Variants in VCAM1 observed in about 807,000 individuals in gnomAD.
VCAM1 encodes vascular cell adhesion molecule 1.
A neutral mutation model predicts 63.8 loss-of-function variants in VCAM1; 41 were observed. The observed-to-expected ratio is 0.64, with a 90% confidence interval of 0.50 to 0.83. VCAM1 has a LOEUF of 0.83. Among genes scored for constraint, VCAM1 ranks in the 40% least tolerant of loss-of-function variants. VCAM1 has a pLI of 0.00. For missense variants in VCAM1, 798 were observed against 875.5 expected (o/e 0.91, Z 1.12); for synonymous variants, 338 against 320.7 (o/e 1.05, Z -0.58).
chr1:100,723,255 T>C lies in VCAM1; in HGVS notation c.576T>C (p.Val192=). ...FTPVIEDIGK[V]LVCRAKLHID... is the part of the protein sequence containing the mutation. ...CTGTCATTGAGGATATTGGAAAAGT[T>C]CTTGTTTGCCGAGCTAAATTACACA... The change falls in exon 3 of 9, where the codon GTT becomes GTC. Residue 192 remains valine, a synonymous_variant. Transcript: ENST00000294728. 1 of 1,613,102 alleles carries C rather than the reference T, an allele frequency of 6.2e-7. No individual in the cohort carries two copies. Among genetic ancestry groups the C allele is most frequent in the South Asian group, 1.1e-5 (1 of 91,064 alleles).
intron 8 of VCAM1, chr1:100,737,225 A>G (rs945914434): frequency 1.3e-5 from 2 of 152,194 alleles, no homozygotes; most frequent in Admixed American, 6.5e-5. Flanking sequence ...TTTGGTGCCA[A>G]CTAGGCCAAG....
chr1:100,722,504 GA>G (rs1394067567), intron 2 of VCAM1, among the ~76,000 whole-genome samples: 1 of 152,028 alleles, frequency 6.6e-6, no homozygotes, highest in Non-Finnish European at 1.5e-5. Context: ...ACTATAATAA[GA>G]AAATGTGATG....
intron 4 of VCAM1, among the ~76,000 whole-genome samples, chr1:100,726,689 G>A (rs1344040583): frequency 6.6e-6 from 1 of 151,998 alleles, no homozygotes; most frequent in East Asian, 1.9e-4. Flanking sequence ...AAGAGCCCTT[G>A]TCCAAGAATC....
rs774366600 is a variant in VCAM1 at position 100,719,855 on chromosome 1, C to T, written c.-6C>T. ...CACTATTTTCTCATCACGACAGCAACTTAAAATGCCTGGGAAGATGGTCGT... is the reference window on the plus strand; with the variant it reads ...CACTATTTTCTCATCACGACAGCAATTTAAAATGCCTGGGAAGATGGTCGT... On this transcript the variant is annotated 5_prime_UTR_variant, in exon 1 of 9. Coordinates refer to ENST00000294728, the MANE Select transcript of VCAM1 (RefSeq NM_001078.4). The T allele has an allele frequency of 6.2e-7, 1 of 1,610,864 alleles. No individual in the cohort carries two copies. Among genetic ancestry groups the T allele is most frequent in the South Asian group, 1.1e-5 (1 of 90,806 alleles).
chr1:100,722,598 G>A (rs988749184), intron 2 of VCAM1, among the ~76,000 whole-genome samples: 3 of 151,996 alleles, frequency 2.0e-5, no homozygotes, highest in African/African-American at 4.8e-5. Flanking sequence ...TACTAGGTGT[G>A]TGACCTTAGA....
chr1:100,732,415 C>T lies in VCAM1; in HGVS notation c.1526-3C>T, dbSNP rs375748815. 57 of 1,544,274 alleles carry T rather than the reference C, an allele frequency of 3.7e-5. No homozygotes were observed. Among genetic ancestry groups the T allele is most frequent in the Non-Finnish European group, 4.7e-5 (54 of 1,148,532 alleles). ...AAGCTAACAAGCGTCTCTGCCTTTT[C>T]AGTTGCCCCCAGAGATACAACCGTC... is the stretch of plus-strand genomic sequence containing the variant. On this transcript the variant is annotated splice_region_variant and splice_polypyrimidine_tract_variant and intron_variant, in intron 6 of 8. Transcript: ENST00000294728.
At chr1:100,722,966 A>G in intron 2 of VCAM1, 54 bp from the exon 3 acceptor site, 1 of 1,525,404 alleles carries the variant, frequency 6.6e-7, no homozygotes, top group Non-Finnish European at 8.8e-7. Context: ...GTGGTAAGAG[A>G]CCTTATATCA....
intron 4 of VCAM1, among the ~76,000 whole-genome samples, chr1:100,725,444 A>G (rs894259772): frequency 4.6e-5 from 7 of 152,026 alleles, no homozygotes; most frequent in African/African-American, 1.7e-4. Context: ...GGCACTTTCC[A>G]TATGCCATCC....
chr1:100,726,180 C>T (rs1005788045), intron 4 of VCAM1, among the ~76,000 whole-genome samples: 14 of 152,030 alleles, frequency 9.2e-5, no homozygotes, highest in African/African-American at 2.9e-4. Flanking sequence ...GCTTGTTTCA[C>T]TTAGCATAGT....
At chr1:100,725,768 C>A (rs1329243513) in intron 4 of VCAM1, among the ~76,000 whole-genome samples, 1 of 151,750 alleles carries the variant, frequency 6.6e-6, no homozygotes, top group East Asian at 1.9e-4. Context: ...TTTATTATTT[C>A]TTTTTTAAAA....
chr1:100,736,400 T>G lies in VCAM1; in HGVS notation c.2059+1632T>G. On this transcript the variant is annotated intron_variant, in intron 8 of 8. Transcript: ENST00000294728. ...TTGGCTGGATTTTTTATTTGTTTCA[T>G]TTTGTCTTAGCTTGAACGTATTCCA... The G allele has an allele frequency of 1.3e-5, 2 of 152,204 alleles. 1 individual carries two copies. The highest frequency in any genetic ancestry group is 2.9e-5 in the Non-Finnish European group (2 of 68,020). The allele number at this position is 152,204 out of a possible 1,614,324, so 9.4% of individuals were successfully genotyped here.
At chr1:100,725,041 T>A in intron 4 of VCAM1, 151 bp downstream of exon 4, 2 of 1,066,556 alleles carry the variant, frequency 1.9e-6, no homozygotes, top group Non-Finnish European at 2.6e-6. Context: ...ATGTTTATCT[T>A]ACTAGTACTC....
At position 100,734,760 on chromosome 1, in the gene VCAM1, A is replaced by ATCAAG; in HGVS notation, c.2052_2053insCAAGT (p.Val685GlnfsTer26). The ATCAAG allele has an allele frequency of 6.2e-7, 1 of 1,613,446 alleles. No individual in the cohort carries two copies. Among genetic ancestry groups the ATCAAG allele is most frequent in the Non-Finnish European group, 8.5e-7 (1 of 1,179,628 alleles). On this transcript the variant is annotated frameshift_variant, in exon 8 of 9. Transcript: ENST00000294728. LOFTEE classifies it high-confidence loss of function. ...TCACAATTAAGAAGTTTAACACTTG[A>ATCAAG]TGTTCAAGGTGAGTTTGTTTTGAGT...
At position 100,731,562 on chromosome 1, in the gene VCAM1, T is replaced by C; in HGVS notation, c.1525+44T>C. The C allele has an allele frequency of 1.3e-6, 2 of 1,528,316 alleles. No individual in the cohort carries two copies. Among genetic ancestry groups the C allele is most frequent in the Non-Finnish European group, 1.8e-6 (2 of 1,127,304 alleles). 94.7% of individuals were successfully genotyped at this position (1,528,316 alleles called of 1,614,324 possible). A position where few individuals can be genotyped will look rare whatever the true frequency, so the allele number is the denominator to read the frequency against. On this transcript the variant is annotated intron_variant, in intron 6 of 8. Coordinates refer to ENST00000294728, the MANE Select transcript of VCAM1 (RefSeq NM_001078.4). The surrounding 1 kb of genome is among the most constrained non-coding windows in gnomAD (Gnocchi z 4.2). ...TATCTACAGTTTAATACCTGTCTCTTTATCGTGTTTGCCAGGCAATAGTTA... is the reference window on the plus strand; with the variant it reads ...TATCTACAGTTTAATACCTGTCTCTCTATCGTGTTTGCCAGGCAATAGTTA...
intron 7 of VCAM1, 56 bp downstream of exon 7, chr1:100,732,740 A>T: frequency 6.7e-7 from 1 of 1,489,780 alleles, no homozygotes; most frequent in South Asian, 1.4e-5. Context: ...TGGTTATGTT[A>T]CTGATTATGA....
At chr1:100,734,146 G>A (rs1660562652) in intron 7 of VCAM1, among the ~76,000 whole-genome samples, 1 of 152,150 alleles carries the variant, frequency 6.6e-6, no homozygotes, top group Non-Finnish European at 1.5e-5. Flanking sequence ...CAGCCCCCAT[G>A]ATCCAGTCAC....
In VCAM1 at chr1:100,724,757, G is replaced by C. The variant is rs745861809; in HGVS notation, c.795G>C (p.Gly265=). The C allele has an allele frequency of 1.9e-6, 3 of 1,612,996 alleles. No individual in the cohort carries two copies. In the Admixed American group the frequency reaches 5.0e-5, roughly 27 times the overall value. Residue 265 remains glycine (G), a synonymous_variant, in exon 4 of 9, where the codon GGG becomes GGC. Transcript: ENST00000294728. ...EIFWSKKLDN[G]NLQHLSGNAT... is the part of the protein sequence containing the mutation. ...TCTGGAGTAAGAAATTAGATAATGG[G>C]AATCTACAGCACCTTTCTGGAAATG...
intron 2 of VCAM1, among the ~76,000 whole-genome samples, chr1:100,722,765 T>C (rs1470639430): frequency 1.3e-5 from 2 of 152,142 alleles, no homozygotes; most frequent in East Asian, 1.9e-4. Context: ...TATTTTTTCT[T>C]CTTTCTTTTA....
intron 4 of VCAM1, among the ~76,000 whole-genome samples, chr1:100,727,379 C>A (rs3917040): frequency 0.031 from 4,676 of 152,014 alleles, 238 homozygotes; most frequent in African/African-American, 0.11. Flanking sequence ...CAAACTCACC[C>A]TAAGTGGATT....
Sources: gnomAD v4.1 joint callset for allele counts (sites outside exome capture counted in the v4.1 genomes callset) on GRCh38, gnomAD v4.1.1 for gene constraint, Gnocchi (gnomAD v3.1) non-coding constraint, MANE v1.5 for transcripts, NCBI Gene and HGNC (gene_info 2026-07-23, HGNC 2026-07-21) for gene names.